Variants in FRMPD2 observed in about 807,000 individuals in gnomAD.
FRMPD2 encodes the protein FERM and PDZ domain containing 2.
Under a neutral mutation model 140.1 loss-of-function variants are expected in FRMPD2, and 96 were observed. The observed-to-expected ratio is 0.69, with a 90% confidence interval of 0.58 to 0.81. FRMPD2 has a LOEUF of 0.81. Among genes scored for constraint, FRMPD2 ranks in the 40% least tolerant of loss-of-function variants. The probability of loss-of-function intolerance (pLI) is 0.00; values close to 1 mark genes in which losing one functional copy is unlikely to be tolerated. For missense variants in FRMPD2, 1,240 were observed against 1,447.4 expected (o/e 0.86, Z 2.32); for synonymous variants, 449 against 547.6 (o/e 0.82, Z 2.52).
At chr10:48,249,530 G>A (rs544996845) in intron 2 of FRMPD2, among the ~76,000 whole-genome samples, 37 of 152,302 alleles carry the variant, frequency 2.4e-4, no homozygotes, top group Admixed American at 2.6e-4. Flanking sequence ...TGGGAGCTCC[G>A]TAGCTGTTCA....
At chr10:48,182,948 C>G (rs771244784) in intron 20 of FRMPD2, among the ~76,000 whole-genome samples, 8 of 152,192 alleles carry the variant, frequency 5.3e-5, no homozygotes, top group African/African-American at 1.9e-4. Context: ...ATCCAACAGA[C>G]AGCAAGCCAG....
At chr10:48,252,532 C>A (rs1840408910) in intron 1 of FRMPD2, among the ~76,000 whole-genome samples, 1 of 152,112 alleles carries the variant, frequency 6.6e-6, no homozygotes, top group Admixed American at 6.5e-5. Flanking sequence ...CATAGAGGCA[C>A]CCCCATCCCC....
chr10:48,207,444 CA>C (rs972168418), intron 13 of FRMPD2, among the ~76,000 whole-genome samples: 3 of 152,066 alleles, frequency 2.0e-5, no homozygotes, highest in African/African-American at 7.2e-5. Context: ...AGAAAATGAC[CA>C]TTCATTTTGG....
chr10:48,188,584 G>T (rs1387684290), intron 16 of FRMPD2, among the ~76,000 whole-genome samples: 1 of 152,344 alleles, frequency 6.6e-6, no homozygotes, highest in East Asian at 1.9e-4. Context: ...GGGATGCAGG[G>T]TGGATGACTT....
chr10:48,204,904 G>A (rs1273999354), intron 14 of FRMPD2, among the ~76,000 whole-genome samples: 3 of 152,130 alleles, frequency 2.0e-5, no homozygotes, highest in African/African-American at 7.2e-5. Context: ...AACCACACAT[G>A]GACGCCAACA....
At chr10:48,183,863 A>AAAAAAAAAAAAAAAAAAAAAAT (rs1838611153) in intron 20 of FRMPD2, among the ~76,000 whole-genome samples, 1 of 147,144 alleles carries the variant, frequency 6.8e-6, no homozygotes, top group Non-Finnish European at 1.5e-5. Context: ...AAAAAAAAAA[A>AAAAAAAAAAAAAAAAAAAAAAT]GGAAAATCAA....
In FRMPD2 at chr10:48,222,440, G is replaced by T. The variant is rs751468516; in HGVS notation, c.1328C>A (p.Thr443Lys). 8.1e-6 allele frequency: 13 copies of T among 1,613,940 alleles called. No homozygotes were observed. The highest frequency in any genetic ancestry group is 3.3e-4 in the Middle Eastern group (2 of 6,078). ...SHYGLLQHSLTRHQFYLQLRK... is the reference protein window; with the variant it reads ...SHYGLLQHSLKRHQFYLQLRK... ...AAGCTGCAGGTAAAACTGGTGCCTT[G>T]TCAGGCTGTGCCTGGAAAAGAAGTA... The change falls in exon 12 of 29, where the codon ACA (threonine) becomes AAA (lysine). Residue 443 changes from threonine (T) to lysine (K), a missense_variant. Transcript: ENST00000374201.
intron 3 of FRMPD2, 72 bp from the exon 4 acceptor site, chr10:48,244,921 A>T: frequency 8.6e-7 from 1 of 1,159,930 alleles, no homozygotes; most frequent in Non-Finnish European, 1.3e-6. Context: ...AGAAAAATAC[A>T]ATCCAATTTC....
intron 17 of FRMPD2, among the ~76,000 whole-genome samples, 174 bp from the exon 18 acceptor site, chr10:48,185,819 C>G (rs1023008595): frequency 3.9e-5 from 6 of 152,142 alleles, no homozygotes; most frequent in African/African-American, 1.4e-4. Context: ...GGAATGGACA[C>G]CTGAACACAC....
intron 15 of FRMPD2, chr10:48,199,951 A>G (rs1393237703): frequency 6.6e-6 from 1 of 152,110 alleles, no homozygotes; most frequent in Admixed American, 6.6e-5. Context: ...TGGAGTAATT[A>G]TTCTAGATAA....
rs1002546881 is a variant in FRMPD2 at position 48,237,556 on chromosome 10, T to C, written c.921+435A>G. On this transcript the variant is annotated intron_variant, in intron 8 of 28. Transcript: ENST00000374201. ...CATTCCGCCTAACCCTATTACCCTC[T>C]TAGGGTTAGCCAGCTGGAAGGATAA... Among the ~76,000 whole-genome samples, 7 of 152,092 alleles carry C rather than the reference T, an allele frequency of 4.6e-5. No homozygotes were observed. In the East Asian group the frequency reaches 1.4e-3, roughly 29 times the overall value.
intron 20 of FRMPD2, among the ~76,000 whole-genome samples, chr10:48,183,760 G>A (rs1319406108): frequency 6.7e-6 from 1 of 148,876 alleles, no homozygotes; most frequent in Admixed American, 6.8e-5. Flanking sequence ...GCTGAGGCAG[G>A]AGAATTGCTT....
intron 9 of FRMPD2, among the ~76,000 whole-genome samples, chr10:48,232,991 C>T (rs186475190): frequency 3.3e-5 from 5 of 152,318 alleles, no homozygotes; most frequent in Non-Finnish European, 4.4e-5. Flanking sequence ...CCCTAGGGCT[C>T]TTCCACTCCC....
At chr10:48,222,726 T>G (rs967412832) in intron 11 of FRMPD2, among the ~76,000 whole-genome samples, 3 of 152,162 alleles carry the variant, frequency 2.0e-5, no homozygotes, top group Admixed American at 6.6e-5. Context: ...TAATAACCAG[T>G]TCGGTGGTGT....
At chr10:48,226,059 T>G (rs1839714504) in intron 10 of FRMPD2, among the ~76,000 whole-genome samples, 1 of 152,208 alleles carries the variant, frequency 6.6e-6, no homozygotes, top group Admixed American at 6.5e-5. Flanking sequence ...ATTCACCCCA[T>G]GAATTTTTAA....
chr10:48,198,896 G>A (rs1458979824), intron 15 of FRMPD2, among the ~76,000 whole-genome samples: 1 of 152,146 alleles, frequency 6.6e-6, no homozygotes, highest in Non-Finnish European at 1.5e-5. Flanking sequence ...TGCTGTTGGT[G>A]TATAGAGATG....
rs752506062 is a variant in FRMPD2 at position 48,185,552 on chromosome 10, C to A, written c.2359+1G>T. 4 of 1,613,340 alleles carry A rather than the reference C, an allele frequency of 2.5e-6. No homozygotes were observed. In the South Asian group the frequency reaches 3.3e-5, roughly 13 times the overall value. ...GCCTCACCTACAGGGAGCCCTCTTA[C>A]CAAAACCACGATGTGGGTCACGTTT... On this transcript the variant is annotated splice_donor_variant, in intron 18 of 28. Transcript: ENST00000374201. LOFTEE classifies it high-confidence loss of function.
intron 13 of FRMPD2, among the ~76,000 whole-genome samples, chr10:48,209,591 T>C (rs1178156008): frequency 6.6e-6 from 1 of 152,236 alleles, no homozygotes; most frequent in Non-Finnish European, 1.5e-5. Flanking sequence ...TGTAGAATAG[T>C]AACTGGGCTC....
rs369234165 is a variant in FRMPD2, at chr10:48,240,355, C to G, written c.700+5G>C. ...ACGCAGGGACTGCTTAGGGCACGTA[C>G]CCACCTCTGCAAGGATGCAGACACT... is the stretch of plus-strand genomic sequence containing the variant. On this transcript the variant is annotated splice_donor_5th_base_variant and intron_variant, in intron 6 of 28. Transcript: ENST00000374201. The G allele has an allele frequency of 1.2e-6, 2 of 1,610,990 alleles. No homozygotes were observed. Among genetic ancestry groups the G allele is most frequent in the Non-Finnish European group, 1.7e-6 (2 of 1,179,956 alleles).
Sources: gnomAD v4.1 joint callset for allele counts (sites outside exome capture counted in the v4.1 genomes callset) on GRCh38, gnomAD v4.1.1 for gene constraint, MANE v1.5 for transcripts, NCBI Gene and HGNC (gene_info 2026-07-23, HGNC 2026-07-21) for gene names.